The following CACNB2 variants were observed in gnomAD, a reference collection of about 807,000 sequenced individuals.
CACNB2 encodes the protein calcium voltage-gated channel auxiliary subunit beta 2.
A neutral mutation model predicts 73.3 loss-of-function variants in CACNB2; 42 were observed. The observed-to-expected ratio is 0.57, with a 90% CI of 0.45 to 0.74. CACNB2 has a LOEUF of 0.74. Among genes scored for constraint, CACNB2 ranks in the 30% least tolerant of loss-of-function variants. The pLI is 0.00. For synonymous variants in CACNB2, 348 were observed against 310.3 expected, an observed-to-expected ratio of 1.12 and a Z score of -1.28; for missense variants, 940 against 853.0, an observed-to-expected ratio of 1.10 and a Z score of -1.27.
At chr10:18,504,647 G>T (rs891268216) in intron 5 of CACNB2, among the ~76,000 whole-genome samples, 1 of 151,208 alleles carries the variant, frequency 6.6e-6, no homozygotes, top group African/African-American at 2.4e-5. Context: ...TTTTGTGTGT[G>T]TGTGTGCGTG....
chr10:18,212,651 T>C (rs2035364338), intron 2 of CACNB2, among the ~76,000 whole-genome samples: 2 of 152,206 alleles, frequency 1.3e-5, no homozygotes, highest in African/African-American at 4.8e-5. Flanking sequence ...AATTTTAAGT[T>C]TTCTATTTGG....
intron 3 of CACNB2, among the ~76,000 whole-genome samples, chr10:18,465,533 G>C (rs2047829873): frequency 6.6e-6 from 1 of 152,130 alleles, no homozygotes; most frequent in South Asian, 2.1e-4. Flanking sequence ...CTAGTCCCAA[G>C]CGTGTGTTCC....
At chr10:18,513,494 C>A in intron 6 of CACNB2, 1 of 309,700 alleles carries the variant, frequency 3.2e-6, no homozygotes, top group South Asian at 3.2e-5. Flanking sequence ...TCCCTCGTCT[C>A]CTTTGCAAAG....
chr10:18,321,226 C>T (rs1348560751), intron 2 of CACNB2, among the ~76,000 whole-genome samples: 1 of 152,166 alleles, frequency 6.6e-6, no homozygotes, highest in African/African-American at 2.4e-5. Context: ...TTACTCTGAA[C>T]ACCTTCCCTC....
chr10:18,491,888 A>G (rs1451591831), intron 3 of CACNB2, among the ~76,000 whole-genome samples: 1 of 148,946 alleles, frequency 6.7e-6, no homozygotes. Context: ...TCAGAATGAA[A>G]GAGATATGTA....
At chr10:18,307,937 G>A (rs2039797131) in intron 2 of CACNB2, among the ~76,000 whole-genome samples, 1 of 142,634 alleles carries the variant, frequency 7.0e-6, no homozygotes. Flanking sequence ...TTCAGTCAGA[G>A]AAATTAAAAG....
chr10:18,525,367 TG>T (rs1445097871), intron 9 of CACNB2, among the ~76,000 whole-genome samples: 3 of 152,176 alleles, frequency 2.0e-5, no homozygotes, highest in African/African-American at 7.2e-5. Context: ...TTCAATAGCC[TG>T]AATGTTTACA....
chr10:18,466,390 C>A (rs1441477380), intron 3 of CACNB2, among the ~76,000 whole-genome samples: 6 of 152,052 alleles, frequency 3.9e-5, no homozygotes, highest in Non-Finnish European at 7.4e-5. Context: ...TCCCAGCACA[C>A]CACCATGCCC....
At chr10:18,201,916 C>T (rs2034899106) in intron 2 of CACNB2, among the ~76,000 whole-genome samples, 1 of 152,182 alleles carries the variant, frequency 6.6e-6, no homozygotes, top group Admixed American at 6.5e-5. Context: ...GGTGGAATTT[C>T]AGTGATCCCT....
chr10:18,295,998 GTTTTTTTTTTT>G (rs34043231), intron 2 of CACNB2, among the ~76,000 whole-genome samples: 4 of 60,788 alleles, frequency 6.6e-5, no homozygotes, highest in Admixed American at 4.6e-4. Flanking sequence ...CTTTTTGCGT[GTTTTTTTTTTT>G]TTTTTTTTTT....
intron 2 of CACNB2, among the ~76,000 whole-genome samples, chr10:18,277,765 T>C (rs2038363073): frequency 6.6e-6 from 1 of 152,202 alleles, no homozygotes; most frequent in South Asian, 2.1e-4. Context: ...TAAAGATGAA[T>C]CAAATAATCT....
At chr10:18,312,681 T>G (rs981947310) in intron 2 of CACNB2, among the ~76,000 whole-genome samples, 2 of 152,200 alleles carry the variant, frequency 1.3e-5, no homozygotes, top group Non-Finnish European at 2.9e-5. Flanking sequence ...CTTCATACAC[T>G]GAATTAGATT....
At position 18,478,249 on chromosome 10, in the gene CACNB2, T is replaced by G. The variant is rs952918690; in HGVS notation, c.334-20106T>G. Among the ~76,000 whole-genome samples, 5 of 152,080 alleles carry G rather than the reference T, an allele frequency of 3.3e-5. No individual in the cohort carries two copies. In the South Asian group the frequency reaches 1.0e-3, roughly 32 times the overall value. ...GCCTGGCCGGAGTTTTTATTTTCCT[T>G]TTACAAGTGCTTCCTCTTCTATTTC... is the stretch of plus-strand genomic sequence containing the variant. On this transcript the variant is annotated intron_variant, in intron 3 of 13. Transcript: ENST00000324631.
chr10:18,228,983 C>T (rs979956021), intron 2 of CACNB2, among the ~76,000 whole-genome samples: 2 of 152,112 alleles, frequency 1.3e-5, no homozygotes, highest in African/African-American at 2.4e-5. Context: ...CTCAAGTGAT[C>T]CACCTGCCTC....
At chr10:18,502,715 A>T (rs78492593) in intron 5 of CACNB2, among the ~76,000 whole-genome samples, 2 of 144,600 alleles carry the variant, frequency 1.4e-5, no homozygotes, top group South Asian at 4.3e-4. Flanking sequence ...AAAAAAAAAA[A>T]AAAAAAAAAC....
At chr10:18,440,711 C>T (rs1410857852) in intron 3 of CACNB2, among the ~76,000 whole-genome samples, 1 of 152,002 alleles carries the variant, frequency 6.6e-6, no homozygotes, top group African/African-American at 2.4e-5. Context: ...AGAATGTGTC[C>T]ATGTGGATAT....
intron 3 of CACNB2, among the ~76,000 whole-genome samples, chr10:18,432,569 A>G (rs2045940605): frequency 6.6e-6 from 1 of 152,178 alleles, no homozygotes; most frequent in Admixed American, 6.6e-5. Context: ...GCAGTGACTT[A>G]CACCTGTATT....
intron 2 of CACNB2, among the ~76,000 whole-genome samples, chr10:18,244,777 CT>C (rs2036797166): frequency 6.6e-6 from 1 of 152,142 alleles, no homozygotes; most frequent in African/African-American, 2.4e-5. Context: ...AATATGTTAC[CT>C]TATGTGGCAA....
chr10:18,251,547 C>T (rs1360231006), intron 2 of CACNB2, among the ~76,000 whole-genome samples: 1 of 152,214 alleles, frequency 6.6e-6, no homozygotes, highest in East Asian at 1.9e-4. Flanking sequence ...CATGCCCGGC[C>T]TCAACTCTTA....
Sources: gnomAD v4.1 joint callset for allele counts (sites outside exome capture counted in the v4.1 genomes callset) on GRCh38, gnomAD v4.1.1 for gene constraint, MANE v1.5 for transcripts, NCBI Gene and HGNC (gene_info 2026-07-23, HGNC 2026-07-21) for gene names.